CEP152: variants seen among roughly 807,000 people sequenced by gnomAD.
The protein encoded by CEP152 is centrosomal protein 152.
A neutral mutation model predicts 188.9 loss-of-function variants in CEP152; 132 were observed. The ratio of observed to expected loss-of-function variants is 0.70; its 90% CI spans 0.61 to 0.81. The LOEUF is 0.81. Among genes scored for constraint, CEP152 ranks in the 30% least tolerant of loss-of-function variants. The probability of loss-of-function intolerance (pLI) is 0.00; values close to 1 mark genes in which losing one functional copy is unlikely to be tolerated. For synonymous variants in CEP152, 649 were observed against 666.6 expected (o/e 0.97, Z 0.41); for missense variants, 1,914 against 1,969.8 (o/e 0.97, Z 0.54).
At chr15:48,804,226 C>G (rs1168434719) in intron 2 of CEP152, among the ~76,000 whole-genome samples, 1 of 152,232 alleles carries the variant, frequency 6.6e-6, no homozygotes, top group Admixed American at 6.5e-5. Context: ...TTAGATAAGC[C>G]AGAGACTCTG....
chr15:48,803,708 T>C (rs1051951263), intron 2 of CEP152, among the ~76,000 whole-genome samples: 1 of 152,206 alleles, frequency 6.6e-6, no homozygotes, highest in African/African-American at 2.4e-5. Flanking sequence ...GTTTTCTATA[T>C]TATCTAGAAT....
Position 48,755,887 on chromosome 15 carries a change from A to G in CEP152, c.3345+16T>C. 6.2e-7 allele frequency: 1 copy of G among 1,612,938 alleles called. No individual in the cohort carries two copies. Among genetic ancestry groups the G allele is most frequent in the African/African-American group, 1.3e-5 (1 of 74,988 alleles). On this transcript the variant is annotated intron_variant, in intron 20 of 26. Transcript: ENST00000380950. ...TTCTTGGTGTTCAATACCTTCTCTC[A>G]CTCTCAGGAACATACCTTTTTCCAT...
intron 9 of CEP152, among the ~76,000 whole-genome samples, chr15:48,788,072 T>C (rs1033206808): frequency 2.0e-5 from 3 of 152,212 alleles, no homozygotes; most frequent in Non-Finnish European, 4.4e-5. Context: ...AATTACCAAA[T>C]GCTGGGAGAC....
rs563530344 is a variant in CEP152 at position 48,767,493 on chromosome 15, C to T, written c.2019-30G>A. ...AAACAGAGCGGAATCAAAGGCAATGCCCAGTCTCACTACGAACACCAAAAT... is the reference window on the plus strand; with the variant it reads ...AAACAGAGCGGAATCAAAGGCAATGTCCAGTCTCACTACGAACACCAAAAT... On this transcript the variant is annotated intron_variant, in intron 15 of 26. Coordinates refer to ENST00000380950, the MANE Select transcript of CEP152 (RefSeq NM_001194998.2). 6.8e-6 allele frequency: 11 copies of T among 1,613,882 alleles called. No individual in the cohort carries two copies. The East Asian group carries it at 2.2e-4, about 33-fold the overall frequency.
chr15:48,778,910 T>C (rs2140825922), intron 12 of CEP152, among the ~76,000 whole-genome samples: 1 of 151,052 alleles, frequency 6.6e-6, no homozygotes, highest in African/African-American at 2.4e-5. Context: ...GATCATGCCA[T>C]TGCACTCCGG....
chr15:48,745,980 A>T (rs1369712888), intron 22 of CEP152, among the ~76,000 whole-genome samples: 1 of 151,980 alleles, frequency 6.6e-6, no homozygotes, highest in African/African-American at 2.4e-5. Flanking sequence ...CCCTCTCAAC[A>T]CTCCGTAAGT....
intron 25 of CEP152, 86 bp from the exon 26 acceptor site, chr15:48,741,790 C>T (rs535218533): frequency 2.5e-6 from 4 of 1,610,054 alleles, no homozygotes; most frequent in East Asian, 2.2e-5. Context: ...TTCCTATTGG[C>T]TCTGCCAACA....
In CEP152 at chr15:48,767,067, T is replaced by C; in HGVS notation, c.2273A>G (p.Gln758Arg). 1.5e-5 allele frequency: 24 copies of C among 1,612,964 alleles called. No homozygotes were observed. Among genetic ancestry groups the C allele is most frequent in the Non-Finnish European group, 2.0e-5 (24 of 1,179,986 alleles). The change falls in exon 17 of 27, where the codon CAG becomes CGG. Residue 758 changes from glutamine (Q) to arginine (R), a missense_variant. Coordinates refer to ENST00000380950, the MANE Select transcript of CEP152 (RefSeq NM_001194998.2). ...CATAAACTTGTACTGTACCTTCTCC[T>C]GAGTCTGTTGCTCCTTTTCAGTGGT... The part of the protein sequence containing the change: ...RKTTEKEQQT[Q>R]EKIKEKLIQQ...
chr15:48,780,614 A>C (rs963985489), intron 12 of CEP152, among the ~76,000 whole-genome samples: 1 of 152,200 alleles, frequency 6.6e-6, no homozygotes, highest in Non-Finnish European at 1.5e-5. Context: ...ATCTTTTCCA[A>C]ACACCGTATC....
rs1266804507 is a variant in CEP152 at position 48,741,377 on chromosome 15, GAGGGATGGA to G, written c.4093+215_4093+223del. The stretch of plus-strand genomic sequence containing the variant: ...TGTTTAAAATCTTTTCTATCATTTC[GAGGGATGGA>G]AGCAGCAATAGGAAACTGATGGGCA... On this transcript the variant is annotated intron_variant, in intron 26 of 26. Coordinates refer to ENST00000380950, the MANE Select transcript of CEP152 (RefSeq NM_001194998.2). 3.7e-6 allele frequency: 5 copies of G among 1,359,842 alleles called. No individual in the cohort carries two copies. The African/African-American group carries it at 7.4e-5, about 20-fold the overall frequency. The allele number at this position is 1,359,842 out of a possible 1,614,324, so 84.2% of individuals were successfully genotyped here. A position where few individuals can be genotyped will look rare whatever the true frequency, so the allele number is the denominator to read the frequency against.
In CEP152 at chr15:48,781,349, G is replaced by T. The variant is rs756552374; in HGVS notation, c.1424C>A (p.Thr475Lys). ...NMNKALQEEL[T>K]ELKDEISLYE... Reference sequence around the variant, plus strand: ...GAGAGAAATTTCATCTTTTAGTTCTGTTAATTCTTCCTACAACACAAAATT... The same window carrying T: ...GAGAGAAATTTCATCTTTTAGTTCTTTTAATTCTTCCTACAACACAAAATT... Residue 475 changes from threonine to lysine, a missense_variant, in exon 12 of 27, where the codon ACA becomes AAA. Coordinates refer to ENST00000380950, the MANE Select transcript of CEP152 (RefSeq NM_001194998.2). The T allele has an allele frequency of 6.2e-7, 1 of 1,602,464 alleles. No homozygotes were observed. The highest frequency in any genetic ancestry group is 1.1e-5 in the South Asian group (1 of 90,678).
intron 17 of CEP152, among the ~76,000 whole-genome samples, chr15:48,764,992 TAA>T (rs140015676): frequency 5.7e-5 from 8 of 140,876 alleles, no homozygotes; most frequent in Admixed American, 1.4e-4. Flanking sequence ...ACATTTCCTT[TAA>T]AAAAAAAAAA....
chr15:48,756,627 T>C, intron 19 of CEP152, 74 bp from the exon 20 acceptor site: 1 of 1,442,024 alleles, frequency 6.9e-7, no homozygotes. Flanking sequence ...AAGGTAACTA[T>C]TTTGGTTAAC....
downstream of CEP152, among the ~76,000 whole-genome samples, chr15:48,734,503 C>T (rs1366853385): frequency 6.7e-6 from 1 of 149,474 alleles, no homozygotes; most frequent in African/African-American, 2.5e-5. Context: ...ACACAGTAAC[C>T]AAATAGCAAA....
At position 48,768,829 on chromosome 15, in the gene CEP152, A is replaced by G. The variant is rs981389056; in HGVS notation, c.1908+127T>C. The G allele has an allele frequency of 5.8e-6, 4 of 687,000 alleles. No individual in the cohort carries two copies. In the African/African-American group the frequency reaches 7.2e-5, roughly 12 times the overall value. The allele number at this position is 687,000 out of a possible 1,614,324, so 42.6% of individuals were successfully genotyped here. A position where few individuals can be genotyped will look rare whatever the true frequency, so the allele number is the denominator to read the frequency against. ...GCAAAGGGAAGTAACTGGAACTCATAATCACCTGCTAATATACTTGTCTAC... is the reference window on the plus strand; with the variant it reads ...GCAAAGGGAAGTAACTGGAACTCATGATCACCTGCTAATATACTTGTCTAC... On this transcript the variant is annotated intron_variant, in intron 14 of 26. Transcript: ENST00000380950.
intron 26 of CEP152, chr15:48,740,508 G>T (rs1180642742): frequency 1.4e-5 from 2 of 147,082 alleles, no homozygotes; most frequent in Non-Finnish European, 3.0e-5. Context: ...CGCTCTCTAG[G>T]TTTTTTTCCT....
At chr15:48,768,186 G>C in intron 15 of CEP152, 33 bp downstream of exon 15, 1 of 1,249,180 alleles carries the variant, frequency 8.0e-7, no homozygotes, top group Non-Finnish European at 1.2e-6. Context: ...GGGTACCCAG[G>C]AGACAGTCGT....
intron 12 of CEP152, among the ~76,000 whole-genome samples, chr15:48,779,277 TG>T (rs1300980939): frequency 1.3e-5 from 2 of 152,230 alleles, no homozygotes; most frequent in African/African-American, 4.8e-5. Context: ...CTCAGGAGTC[TG>T]GGTTCAAGTA....
chr15:48,779,633 A>C (rs1896124721), intron 12 of CEP152, among the ~76,000 whole-genome samples: 1 of 152,230 alleles, frequency 6.6e-6, no homozygotes, highest in African/African-American at 2.4e-5. Context: ...AAACAGGCTC[A>C]GAAAAGCTAA....
Sources: gnomAD v4.1 joint callset for allele counts (sites outside exome capture counted in the v4.1 genomes callset) on GRCh38, gnomAD v4.1.1 for gene constraint, MANE v1.5 for transcripts, NCBI Gene and HGNC (gene_info 2026-07-23, HGNC 2026-07-21) for gene names.